THADA: variants seen among roughly 807,000 people sequenced by gnomAD.
THADA encodes THADA armadillo repeat containing.
In THADA, 213 loss-of-function variants were observed where a neutral mutation model predicts 219.8. The ratio of observed to expected loss-of-function variants is 0.97; its 90% CI spans 0.87 to 1.09. THADA has a LOEUF of 1.09. THADA is among the 50% of genes least tolerant of loss of function. THADA has a pLI of 0.00. For synonymous variants in THADA, 1,018 were observed against 828.9 expected (o/e 1.23, Z -3.92); for missense variants, 2,956 against 2,311.3 (o/e 1.28, Z -5.72).
intron 8 of THADA, among the ~76,000 whole-genome samples, chr2:43,581,055 A>G (rs1023733528): frequency 6.6e-6 from 1 of 152,218 alleles, no homozygotes; most frequent in African/African-American, 2.4e-5. Context: ...ATGGGAGGTG[A>G]AGAGAGAAAG....
intron 29 of THADA, among the ~76,000 whole-genome samples, chr2:43,361,225 G>C (rs973768393): frequency 6.6e-6 from 1 of 152,196 alleles, no homozygotes; most frequent in Non-Finnish European, 1.5e-5. Flanking sequence ...TCAAGACATA[G>C]CTGGTAGCCT....
chr2:43,364,120 A>G (rs1164854417), intron 29 of THADA, among the ~76,000 whole-genome samples: 1 of 152,072 alleles, frequency 6.6e-6, no homozygotes, highest in African/African-American at 2.4e-5. Flanking sequence ...GCTACCAGGG[A>G]GGCTGAGGAG....
chr2:43,297,676 A>C (rs1438843332), intron 31 of THADA, among the ~76,000 whole-genome samples: 2 of 97,174 alleles, frequency 2.1e-5, no homozygotes, highest in South Asian at 4.0e-4. Flanking sequence ...CCTACTGGGA[A>C]GTGAGGAGCC....
chr2:43,519,090 G>C (rs940717352), intron 22 of THADA, among the ~76,000 whole-genome samples: 2 of 151,970 alleles, frequency 1.3e-5, no homozygotes, highest in African/African-American at 2.4e-5. Context: ...ACCTAGGATA[G>C]ACAGTTCAGT....
chr2:43,306,577 A>G (rs1024976735), intron 31 of THADA, among the ~76,000 whole-genome samples: 15 of 152,068 alleles, frequency 9.9e-5, no homozygotes, highest in African/African-American at 3.6e-4. Flanking sequence ...TAGTGCTACA[A>G]TTTAGTTCTG....
At chr2:43,458,982 G>C (rs530639160) in intron 26 of THADA, among the ~76,000 whole-genome samples, 3 of 152,234 alleles carry the variant, frequency 2.0e-5, no homozygotes, top group African/African-American at 7.2e-5. Flanking sequence ...AAACAGAAAA[G>C]TCTAGGTACC....
Position 43,498,962 on chromosome 2 carries a change from C to T in THADA, c.3622-7G>A, listed in dbSNP as rs1381981361. The T allele has an allele frequency of 1.9e-6, 3 of 1,555,630 alleles. No individual in the cohort carries two copies. Among genetic ancestry groups the T allele is most frequent in the South Asian group, 2.4e-5 (2 of 84,098 alleles). Reference sequence around the variant, plus strand: ...GGATATTTAAAGCATGAACCTAAAACAAGAAGTTCAAAATTAGTTGTGGGT... The same window carrying T: ...GGATATTTAAAGCATGAACCTAAAATAAGAAGTTCAAAATTAGTTGTGGGT... On this transcript the variant is annotated splice_polypyrimidine_tract_variant and splice_region_variant and intron_variant, in intron 24 of 37. Transcript: ENST00000405975.
chr2:43,593,630 C>CTTTTTT (rs764094980), intron 1 of THADA, among the ~76,000 whole-genome samples: 2 of 127,660 alleles, frequency 1.6e-5, no homozygotes, highest in African/African-American at 6.3e-5. Context: ...CTACTACAGA[C>CTTTTTT]TTTTTTTTTT....
chr2:43,430,383 G>A (rs1412297040), intron 26 of THADA, 81 bp from the exon 27 acceptor site: 1 of 712,330 alleles, frequency 1.4e-6, no homozygotes, highest in Admixed American at 3.0e-5. Flanking sequence ...AAAAAAGGAA[G>A]ATAAGTACGG....
At position 43,483,187 on chromosome 2, in the gene THADA, T is replaced by A. The variant is rs1287549091; in HGVS notation, c.3836+2047A>T. 2.0e-5 allele frequency among the ~76,000 whole-genome samples: 3 copies of A among 152,198 alleles called. No individual in the cohort carries two copies. The South Asian group carries it at 6.2e-4, about 31-fold the overall frequency. ...GTGTGTCACCGGCTGAGGTTAGTTA[T>A]CCGGTGGATAAGTAACCAACCAAGA... On this transcript the variant is annotated intron_variant, in intron 26 of 37. Transcript: ENST00000405975.
At chr2:43,493,523 G>C (rs1379673405) in intron 25 of THADA, among the ~76,000 whole-genome samples, 2 of 152,098 alleles carry the variant, frequency 1.3e-5, no homozygotes, top group Non-Finnish European at 2.9e-5. Context: ...GTGGGTCTTA[G>C]AAAGACTCTA....
At chr2:43,374,230 G>A (rs1264765376) in intron 29 of THADA, among the ~76,000 whole-genome samples, 1 of 152,090 alleles carries the variant, frequency 6.6e-6, no homozygotes, top group Non-Finnish European at 1.5e-5. Flanking sequence ...GAGAATCAAC[G>A]GAAAACATAT....
chr2:43,528,096 C>T (rs894501700), intron 21 of THADA, 108 bp from the exon 22 acceptor site: 14 of 605,296 alleles, frequency 2.3e-5, no homozygotes, highest in African/African-American at 3.9e-5. Context: ...ATTCATTTAG[C>T]GCTTACCATA....
rs542641062 is a variant in THADA, at chr2:43,568,405, T to C, written c.2188-1584A>G. Among the ~76,000 whole-genome samples, 25 of 152,258 alleles carry C rather than the reference T, an allele frequency of 1.6e-4. 1 individual carries two copies. In the South Asian group the frequency reaches 4.1e-3, roughly 25 times the overall value. On this transcript the variant is annotated intron_variant, in intron 14 of 37. Coordinates refer to ENST00000405975, the MANE Select transcript of THADA (RefSeq NM_022065.5). Reference sequence around the variant, plus strand: ...TGCATGGCACCCACTCTTATGATGGTGTGACGATTATAACAATATAGTGCC... The same window carrying C: ...TGCATGGCACCCACTCTTATGATGGCGTGACGATTATAACAATATAGTGCC...
At position 43,545,124 on chromosome 2, in the gene THADA, G is replaced by C. The variant is rs548748426; in HGVS notation, c.3107-3808C>G. On this transcript the variant is annotated intron_variant, in intron 20 of 37. Coordinates refer to ENST00000405975, the MANE Select transcript of THADA (RefSeq NM_022065.5). ...GTCAAAGGCCTTTTCTGCATCTATT[G>C]AGATAATCATGTGGTTTTTGTCTTT... Among the ~76,000 whole-genome samples the C allele has an allele frequency of 1.1e-4, 16 of 152,272 alleles. No homozygotes were observed. In the South Asian group the frequency reaches 3.3e-3, roughly 32 times the overall value.
chr2:43,413,229 T>A (rs549142553), intron 28 of THADA, among the ~76,000 whole-genome samples: 2 of 152,262 alleles, frequency 1.3e-5, no homozygotes, highest in East Asian at 3.9e-4. Flanking sequence ...CTAAAATTCA[T>A]ACTGTAGCTA....
rs781712047 is a variant in THADA, at chr2:43,231,129, T to C, written c.5681A>G (p.Glu1894Gly). The C allele has an allele frequency of 6.2e-7, 1 of 1,613,912 alleles. No individual in the cohort carries two copies. Among genetic ancestry groups the C allele is most frequent in the East Asian group, 2.2e-5 (1 of 44,878 alleles). The change falls in exon 38 of 38, where the codon GAG becomes GGG. Residue 1894 changes from glutamate to glycine, a missense_variant. Physicochemically the swap from Glu to Gly is moderately conservative, Grantham distance 98. Coordinates refer to ENST00000405975, the MANE Select transcript of THADA (RefSeq NM_022065.5). ...QFFRELPPAA[E>G]FVKTVEFTRL... is the part of the protein sequence containing the mutation. The stretch of plus-strand genomic sequence containing the variant: ...TGTGAACTCCACTGTCTTCACAAAC[T>C]CAGCAGCTGGTGGAAGCTCTCTGAA...
chr2:43,552,071 G>A (rs1696816344), intron 18 of THADA, 133 bp downstream of exon 18: 2 of 1,521,362 alleles, frequency 1.3e-6, no homozygotes, highest in Non-Finnish European at 8.8e-7. Context: ...AGATACGTAT[G>A]TTTTTAAATC....
chr2:43,578,074 A>G lies in THADA; in HGVS notation c.816+439T>C, dbSNP rs895840273. ...TGAATTTTTGGAATTGTCTCTTATT[A>G]TAACAGAAAAAGGTCATCAGAAGGA... On this transcript the variant is annotated intron_variant, in intron 9 of 37. Coordinates refer to ENST00000405975, the MANE Select transcript of THADA (RefSeq NM_022065.5). Among the ~76,000 whole-genome samples the G allele has an allele frequency of 2.5e-4, 38 of 152,186 alleles. 1 individual carries two copies. Among genetic ancestry groups the G allele is most frequent in the African/African-American group, 8.2e-4 (34 of 41,544 alleles).
Sources: allele counts gnomAD v4.1 joint callset (sites outside exome capture counted in the v4.1 genomes callset), GRCh38; gene constraint gnomAD v4.1.1; transcripts MANE v1.5; gene names NCBI Gene and HGNC (gene_info 2026-07-23, HGNC 2026-07-21).